The following SMURF1 variants were observed in gnomAD, a reference collection of about 807,000 sequenced individuals.
SMURF1 encodes the protein SMAD specific E3 ubiquitin protein ligase 1.
A neutral mutation model predicts 98.0 loss-of-function variants in SMURF1; 44 were observed. The observed-to-expected ratio is 0.45, with a 90% CI of 0.35 to 0.58. The LOEUF is 0.58. SMURF1 is among the 20% of genes least tolerant of loss of function. The probability of loss-of-function intolerance (pLI) is 0.00; values close to 1 mark genes in which losing one functional copy is unlikely to be tolerated. For missense variants in SMURF1, 687 were observed against 938.4 expected (o/e 0.73, Z 3.50); for synonymous variants, 396 against 374.9 (o/e 1.06, Z -0.65).
rs1795181376 is a variant in SMURF1, at chr7:99,037,262, G to A, written c.1689-75C>T. 26 of 1,587,896 alleles carry A rather than the reference G, an allele frequency of 1.6e-5. No individual in the cohort carries two copies. The South Asian group carries it at 2.9e-4, about 18-fold the overall frequency. On this transcript the variant is annotated intron_variant, in intron 14 of 17. Coordinates refer to ENST00000361368, the MANE Select transcript of SMURF1 (RefSeq NM_181349.3). ...CATGGGCAGGTTTTTTTTGGAGACA[G>A]GGTCTCACTCTGTCACCCAGGCTGG...
At chr7:99,104,754 T>C (rs1797159055) in intron 1 of SMURF1, among the ~76,000 whole-genome samples, 1 of 152,218 alleles carries the variant, frequency 6.6e-6, no homozygotes, top group African/African-American at 2.4e-5. Flanking sequence ...TCTGCTATTA[T>C]ACAACAAGCA....
Position 99,143,791 on chromosome 7 carries a change from C to G in SMURF1, c.-11G>C. The G allele has an allele frequency of 1.3e-6, 2 of 1,552,400 alleles. No individual in the cohort carries two copies. Among genetic ancestry groups the G allele is most frequent in the East Asian group, 2.7e-5 (1 of 37,478 alleles). ...CCCGGGGTTCGACATCTCCCGCCAA[C>G]GATCGGGCAGCCGCGGATCCAGCGC... On this transcript the variant is annotated 5_prime_UTR_variant, in exon 1 of 18. Transcript: ENST00000361368.
chr7:99,125,103 G>T (rs1025181147), intron 1 of SMURF1, among the ~76,000 whole-genome samples: 2 of 151,568 alleles, frequency 1.3e-5, no homozygotes, highest in African/African-American at 2.4e-5. Flanking sequence ...ATTCGAGACA[G>T]GGTCTTACTC....
intron 1 of SMURF1, among the ~76,000 whole-genome samples, chr7:99,126,437 C>G (rs1480193656): frequency 6.0e-5 from 9 of 150,968 alleles, no homozygotes; most frequent in Non-Finnish European, 1.2e-4. Flanking sequence ...GCAGGCGGAT[C>G]ACGAGGTCAG....
At position 99,057,606 on chromosome 7, in the gene SMURF1, T is replaced by G. The variant is rs1459434847; in HGVS notation, c.204-55A>C. The G allele has an allele frequency of 3.3e-4, 311 of 939,516 alleles. 1 individual carries two copies. The African/African-American group carries it at 4.7e-3, about 14-fold the overall frequency. 58.2% of individuals were successfully genotyped at this position (939,516 alleles called of 1,614,324 possible). ...ATTGTGTTTGGTTTTTTTTGTTTTG[T>G]TTTTTTTTTTTTTTGAGATAGAATC... On this transcript the variant is annotated intron_variant, in intron 3 of 17. Coordinates refer to ENST00000361368, the MANE Select transcript of SMURF1 (RefSeq NM_181349.3).
chr7:99,131,350 G>A lies in SMURF1; in HGVS notation c.55+12376C>T, dbSNP rs527416349. Among the ~76,000 whole-genome samples the A allele has an allele frequency of 6.6e-5, 10 of 152,266 alleles. No individual in the cohort carries two copies. In the South Asian group the frequency reaches 1.5e-3, roughly 22 times the overall value. ...AATGAATACCCTCCTCACCCGGCCT[G>A]AGAATTTAACTATCTTTATTATCAG... On this transcript the variant is annotated intron_variant, in intron 1 of 17. Transcript: ENST00000361368.
intron 1 of SMURF1, among the ~76,000 whole-genome samples, chr7:99,120,950 C>T (rs573440964): frequency 6.6e-6 from 1 of 150,394 alleles, no homozygotes; most frequent in South Asian, 2.1e-4. Flanking sequence ...TATACAAAAA[C>T]TTTTAGGGAA....
At chr7:99,066,090 T>C (rs1235471632) in intron 1 of SMURF1, among the ~76,000 whole-genome samples, 1 of 151,888 alleles carries the variant, frequency 6.6e-6, no homozygotes. Flanking sequence ...GTTCTCCCTT[T>C]TTCCTCTGAA....
At chr7:99,091,070 T>C (rs2176021) in intron 1 of SMURF1, among the ~76,000 whole-genome samples, 145,822 of 152,276 alleles carry the variant, frequency 0.96, 70,078 homozygotes, top group East Asian at 1. Flanking sequence ...CCACATGGCC[T>C]GCAAAGCATA....
chr7:99,034,142 C>T (rs1469013140), intron 16 of SMURF1, among the ~76,000 whole-genome samples: 2 of 152,192 alleles, frequency 1.3e-5, no homozygotes, highest in African/African-American at 4.8e-5. Flanking sequence ...CTCCAAGCCC[C>T]AGCCTCCTGG....
chr7:99,057,957 AAAT>A (rs1411394966), intron 3 of SMURF1, among the ~76,000 whole-genome samples: 2 of 152,128 alleles, frequency 1.3e-5, no homozygotes, highest in African/African-American at 2.4e-5. Context: ...AAACCTTATA[AAAT>A]AATGTTGCCT....
intron 1 of SMURF1, chr7:99,121,299 A>G (rs1471180449): frequency 6.6e-6 from 1 of 151,820 alleles, no homozygotes; most frequent in African/African-American, 2.4e-5. Context: ...GCTATTTTCT[A>G]TGCATTTTTC....
At chr7:99,143,304 AG>A (rs1173696177) in intron 1 of SMURF1, among the ~76,000 whole-genome samples, 1 of 109,700 alleles carries the variant, frequency 9.1e-6, no homozygotes, top group African/African-American at 3.6e-5. Flanking sequence ...AGGGAGAGGA[AG>A]GGAAGCGAGA....
chr7:99,138,769 C>G (rs577512108), intron 1 of SMURF1, among the ~76,000 whole-genome samples: 1 of 152,264 alleles, frequency 6.6e-6, no homozygotes, highest in Admixed American at 6.5e-5. Context: ...TTCTAAAAGG[C>G]AACACAAATG....
chr7:99,034,744 C>T (rs775082285), intron 16 of SMURF1, among the ~76,000 whole-genome samples: 10 of 152,144 alleles, frequency 6.6e-5, no homozygotes, highest in Admixed American at 2.0e-4. Flanking sequence ...ATGCTGGGCC[C>T]CCAGCAGCAA....
chr7:99,112,822 T>TA (rs1386894790), intron 1 of SMURF1, among the ~76,000 whole-genome samples: 2 of 151,944 alleles, frequency 1.3e-5, no homozygotes, highest in Non-Finnish European at 2.9e-5. Flanking sequence ...ACAAAAATTA[T>TA]AAAAAAGCAA....
intron 1 of SMURF1, among the ~76,000 whole-genome samples, chr7:99,080,850 C>T (rs1273738043): frequency 6.6e-6 from 1 of 152,170 alleles, no homozygotes; most frequent in Non-Finnish European, 1.5e-5. Context: ...TCTGCACTTC[C>T]CAGCTCCCTG....
At chr7:99,136,758 C>T (rs1412000378) in intron 1 of SMURF1, among the ~76,000 whole-genome samples, 1 of 151,996 alleles carries the variant, frequency 6.6e-6, no homozygotes, top group Non-Finnish European at 1.5e-5. Flanking sequence ...CAAGACCAGC[C>T]GGGCAACAGG....
intron 1 of SMURF1, among the ~76,000 whole-genome samples, chr7:99,109,040 T>C (rs1472216095): frequency 6.6e-6 from 1 of 152,194 alleles, no homozygotes; most frequent in Non-Finnish European, 1.5e-5. Flanking sequence ...ACTCTCTCTA[T>C]AACGCTGGGG....
Sources: allele counts gnomAD v4.1 joint callset (sites outside exome capture counted in the v4.1 genomes callset), GRCh38; gene constraint gnomAD v4.1.1; transcripts MANE v1.5; gene names NCBI Gene and HGNC (gene_info 2026-07-23, HGNC 2026-07-21).